MXRA7: variants seen among roughly 807,000 people sequenced by gnomAD.
The protein encoded by MXRA7 is matrix remodeling associated 7.
A neutral mutation model predicts 17.4 loss-of-function variants in MXRA7; 18 were observed. The ratio of observed to expected loss-of-function variants is 1.03; its 90% CI spans 0.71 to 1.53. The LOEUF is 1.53. Among genes scored for constraint, MXRA7 ranks in the 40% most tolerant of loss-of-function variants. The pLI, the probability that MXRA7 is intolerant of heterozygous loss-of-function variation, is 0.00. For missense variants in MXRA7, 141 were observed against 209.3 expected, an observed-to-expected ratio of 0.67 and a Z score of 2.01; for synonymous variants, 70 against 101.7, an observed-to-expected ratio of 0.69 and a Z score of 1.87.
intron 2 of MXRA7, 47 bp downstream of exon 2, chr17:76,688,065 AC>A (rs1567981229): frequency 1.3e-6 from 2 of 1,527,308 alleles, no homozygotes; most frequent in Middle Eastern, 2.3e-4. Flanking sequence ...GACACAGACC[AC>A]CCCCGACACT....
intron 1 of MXRA7, among the ~76,000 whole-genome samples, chr17:76,709,027 C>T (rs1174694809): frequency 1.3e-5 from 2 of 152,184 alleles, no homozygotes; most frequent in African/African-American, 2.4e-5. Context: ...TTAAACACCA[C>T]TGAACCTATT....
chr17:76,696,680 G>A (rs984176254), intron 1 of MXRA7, among the ~76,000 whole-genome samples: 3 of 152,114 alleles, frequency 2.0e-5, no homozygotes, highest in African/African-American at 7.2e-5. Flanking sequence ...ATGAGAAGAG[G>A]GTACAGAGCT....
chr17:76,710,267 A>T (rs9910175), intron 1 of MXRA7, among the ~76,000 whole-genome samples: 124,475 of 151,888 alleles, frequency 0.82, 52,716 homozygotes, highest in Non-Finnish European at 0.92. Flanking sequence ...GAAGTGGGTG[A>T]GGAGCAAAAT....
At chr17:76,708,578 A>G (rs192256210) in intron 1 of MXRA7, among the ~76,000 whole-genome samples, 1 of 152,364 alleles carries the variant, frequency 6.6e-6, no homozygotes, top group East Asian at 1.9e-4. Flanking sequence ...AGTCCACTTC[A>G]GGACAATTTG....
intron 1 of MXRA7, among the ~76,000 whole-genome samples, chr17:76,704,501 G>A (rs577153497): frequency 1.2e-3 from 173 of 146,538 alleles, no homozygotes; most frequent in Admixed American, 2.1e-3. Flanking sequence ...CACCGCGCCC[G>A]GCCAGCTTTT....
intron 1 of MXRA7, among the ~76,000 whole-genome samples, chr17:76,705,148 C>T (rs1228574109): frequency 1.3e-5 from 2 of 152,218 alleles, no homozygotes; most frequent in Non-Finnish European, 2.9e-5. Flanking sequence ...CATACTCCTT[C>T]TTGCTAAGCA....
At chr17:76,685,359 A>G (rs968954709) in intron 2 of MXRA7, among the ~76,000 whole-genome samples, 194 bp from the exon 3 acceptor site, 1 of 152,204 alleles carries the variant, frequency 6.6e-6, no homozygotes, top group African/African-American at 2.4e-5. Flanking sequence ...CGAGACAGCC[A>G]GAGAGAAAGC....
At position 76,680,305 on chromosome 17, in the gene MXRA7, G is replaced by A; in HGVS notation, c.*562C>T. ...CCTGGTACTGGTTCTTTGCTGCCCT[G>A]TAATCAATATGGCATCTCACCCCCG... is the stretch of plus-strand genomic sequence containing the variant. On this transcript the variant is annotated 3_prime_UTR_variant, in exon 4 of 4. Coordinates refer to ENST00000449428, the MANE Select transcript of MXRA7 (RefSeq NM_198530.4). 2.0e-6 allele frequency: 2 copies of A among 985,264 alleles called. No homozygotes were observed. The highest frequency in any genetic ancestry group is 2.4e-6 in the Non-Finnish European group (2 of 829,894). 61.0% of individuals were successfully genotyped at this position (985,264 alleles called of 1,614,324 possible).
chr17:76,704,839 G>A (rs2076638836), intron 1 of MXRA7, among the ~76,000 whole-genome samples: 2 of 149,594 alleles, frequency 1.3e-5, no homozygotes, highest in Admixed American at 1.3e-4. Flanking sequence ...TCCCCTTAGA[G>A]AAGGGGCTTC....
At chr17:76,673,749 G>A (rs1328066028) in exon 4 of MXRA7, 1 of 152,064 alleles carries the variant, frequency 6.6e-6, no homozygotes, top group Non-Finnish European at 1.5e-5. Context: ...GGGGTACTGG[G>A]AGTTGATAGA....
rs374097921 is a variant in MXRA7 at position 76,704,592 on chromosome 17, C to T, written c.342+6013G>A. On this transcript the variant is annotated intron_variant, in intron 1 of 3. Coordinates refer to ENST00000449428, the MANE Select transcript of MXRA7 (RefSeq NM_198530.4). ...TTGAGGCCAGGAGTTCAAGACCACC[C>T]TGGCCAACATGGCGAAACCCCGCCT... 6.6e-5 allele frequency among the ~76,000 whole-genome samples: 10 copies of T among 151,006 alleles called. No homozygotes were observed. In the East Asian group the frequency reaches 1.0e-3, roughly 15 times the overall value.
intron 1 of MXRA7, among the ~76,000 whole-genome samples, chr17:76,705,553 G>T (rs1287276611): frequency 6.6e-6 from 1 of 152,146 alleles, no homozygotes; most frequent in Non-Finnish European, 1.5e-5. Flanking sequence ...TCTATCTGTT[G>T]AAGTCTTAAC....
At chr17:76,686,437 G>A (rs1400307758) in intron 2 of MXRA7, among the ~76,000 whole-genome samples, 1 of 152,086 alleles carries the variant, frequency 6.6e-6, no homozygotes, top group Non-Finnish European at 1.5e-5. Flanking sequence ...CCGAGATCGC[G>A]CCACTGTACT....
At chr17:76,685,728 C>T (rs939936618) in intron 2 of MXRA7, among the ~76,000 whole-genome samples, 4 of 152,226 alleles carry the variant, frequency 2.6e-5, no homozygotes, top group African/African-American at 9.6e-5. Context: ...CCATTGCTGC[C>T]TGCAAAAAAC....
At chr17:76,685,495 G>A (rs113440739) in intron 2 of MXRA7, among the ~76,000 whole-genome samples, 2 of 152,182 alleles carry the variant, frequency 1.3e-5, no homozygotes, top group Admixed American at 6.5e-5. Flanking sequence ...CGACAACTCC[G>A]GCAAGCAGAG....
At chr17:76,690,744 G>A (rs2076471694) in intron 1 of MXRA7, among the ~76,000 whole-genome samples, 1 of 152,046 alleles carries the variant, frequency 6.6e-6, no homozygotes, top group Non-Finnish European at 1.5e-5. Context: ...ATCTTGCTCT[G>A]TTGCCCAGAC....
chr17:76,700,306 C>A (rs542026491), intron 1 of MXRA7, among the ~76,000 whole-genome samples: 1 of 152,134 alleles, frequency 6.6e-6, no homozygotes, highest in Non-Finnish European at 1.5e-5. Flanking sequence ...TAGAAAACCA[C>A]TGATCTAGTG....
chr17:76,673,876 T>C (rs535009772), exon 4 of MXRA7: 4 of 152,264 alleles, frequency 2.6e-5, no homozygotes, highest in African/African-American at 9.6e-5. Context: ...GCTAATTGTA[T>C]CCAGATGGAG....
chr17:76,695,543 T>C (rs983583831), intron 1 of MXRA7, among the ~76,000 whole-genome samples: 12 of 152,168 alleles, frequency 7.9e-5, no homozygotes, highest in Admixed American at 6.5e-4. Context: ...TTTGCAGCTA[T>C]GTTTTCAGGA....
Sources: gnomAD v4.1 joint callset for allele counts (sites outside exome capture counted in the v4.1 genomes callset) on GRCh38, gnomAD v4.1.1 for gene constraint, MANE v1.5 for transcripts, NCBI Gene and HGNC (gene_info 2026-07-23, HGNC 2026-07-21) for gene names.